SPMIP11: variants seen among roughly 807,000 people sequenced by gnomAD.
SPMIP11 encodes long intergenic non-protein coding RNA 935.
the SPMIP11 span, among the ~76,000 whole-genome samples, chr12:48,764,201 C>T: frequency 6.6e-6 from 1 of 151,756 alleles, no homozygotes; most frequent in East Asian, 1.9e-4. Context: ...GTTGGTCAGG[C>T]TGGTCTCGAA....
chr12:48,741,089 T>C, the SPMIP11 span, among the ~76,000 whole-genome samples: 306 of 150,138 alleles, frequency 2.0e-3, 1 homozygote, highest in African/African-American at 7.2e-3. Context: ...TTTTTTTTTT[T>C]TGAGATGGAG....
the SPMIP11 span, among the ~76,000 whole-genome samples, chr12:48,752,076 A>C: frequency 3.6e-3 from 553 of 151,566 alleles, 10 homozygotes; most frequent in Admixed American, 8.0e-3. Flanking sequence ...CAAAAAAAAA[A>C]AAACAAACAA....
chr12:48,763,670 T>C, the SPMIP11 span, among the ~76,000 whole-genome samples: 1 of 151,040 alleles, frequency 6.6e-6, no homozygotes, highest in Non-Finnish European at 1.5e-5. Flanking sequence ...TCCAAATAAA[T>C]AGTAAAAGTA....
chr12:48,760,669 G>A, the SPMIP11 span, among the ~76,000 whole-genome samples: 6 of 152,180 alleles, frequency 3.9e-5, no homozygotes, highest in Admixed American at 3.9e-4. Context: ...TGGGACTACA[G>A]GAGTGCACCA....
At chr12:48,757,240 C>T in the SPMIP11 span, among the ~76,000 whole-genome samples, 1 of 152,154 alleles carries the variant, frequency 6.6e-6, no homozygotes, top group South Asian at 2.1e-4. Flanking sequence ...CCAAGTCTTG[C>T]TCTTCTGAAA....
chr12:48,735,579 C>T, the SPMIP11 span, among the ~76,000 whole-genome samples: 1 of 151,564 alleles, frequency 6.6e-6, no homozygotes, highest in Non-Finnish European at 1.5e-5. Context: ...GATCAAAACT[C>T]CATCTCAAAA....
the SPMIP11 span, among the ~76,000 whole-genome samples, chr12:48,763,047 G>A: frequency 2.9e-4 from 44 of 152,090 alleles, no homozygotes; most frequent in African/African-American, 1.0e-3. Context: ...CATTACAACT[G>A]TATGTGAACC....
chr12:48,732,667 G>A, the SPMIP11 span, among the ~76,000 whole-genome samples: 1 of 151,962 alleles, frequency 6.6e-6, no homozygotes, highest in African/African-American at 2.4e-5. Flanking sequence ...CTACTCGGGA[G>A]GCTGAGGCAG....
At chr12:48,768,774 G>A in the SPMIP11 span, 1 of 1,594,034 alleles carries the variant, frequency 6.3e-7, no homozygotes, top group Non-Finnish European at 8.6e-7. Context: ...GCATTTGCAG[G>A]GGCCCAGGGG....
the SPMIP11 span, among the ~76,000 whole-genome samples, chr12:48,754,605 C>G: frequency 6.6e-6 from 1 of 152,058 alleles, no homozygotes; most frequent in Non-Finnish European, 1.5e-5. Flanking sequence ...TGCCCGCCAC[C>G]ATGCCCGGCT....
chr12:48,770,246 T>C, the SPMIP11 span, among the ~76,000 whole-genome samples: 2 of 151,992 alleles, frequency 1.3e-5, no homozygotes, highest in Admixed American at 1.3e-4. Flanking sequence ...GGTATTATTA[T>C]CCCCATTTTA....
the SPMIP11 span, among the ~76,000 whole-genome samples, chr12:48,732,057 G>C: frequency 6.6e-6 from 1 of 151,412 alleles, no homozygotes; most frequent in East Asian, 1.9e-4. Context: ...GCTGAGGCAC[G>C]AGAATCTCTT....
chr12:48,753,336 A>G, the SPMIP11 span, among the ~76,000 whole-genome samples: 54 of 152,202 alleles, frequency 3.5e-4, no homozygotes, highest in African/African-American at 1.3e-3. Context: ...GCCTCACTCC[A>G]GCTTATCCCA....
the SPMIP11 span, among the ~76,000 whole-genome samples, chr12:48,762,043 C>T: frequency 7.2e-6 from 1 of 138,544 alleles, no homozygotes; most frequent in Non-Finnish European, 1.5e-5. Context: ...ACTCTTATAA[C>T]ATTCTTTTTT....
chr12:48,731,007 A>G, the SPMIP11 span, among the ~76,000 whole-genome samples: 6 of 152,226 alleles, frequency 3.9e-5, no homozygotes, highest in Non-Finnish European at 5.9e-5. Context: ...GACCACAGCA[A>G]TAGAGCCAGA....
the SPMIP11 span, among the ~76,000 whole-genome samples, chr12:48,762,888 A>G: frequency 2.6e-5 from 4 of 152,036 alleles, no homozygotes; most frequent in African/African-American, 9.6e-5. Context: ...AAAGGTACAC[A>G]TGATTTCCCT....
At chr12:48,750,513 TG>T in the SPMIP11 span, among the ~76,000 whole-genome samples, 19 of 152,192 alleles carry the variant, frequency 1.2e-4, no homozygotes, top group Admixed American at 6.6e-4. Context: ...CTGCTGAGGT[TG>T]CTTGAAATAT....
the SPMIP11 span, among the ~76,000 whole-genome samples, chr12:48,734,874 G>T: frequency 1.3e-5 from 2 of 151,782 alleles, no homozygotes; most frequent in African/African-American, 4.8e-5. Context: ...GTGCGGTGGC[G>T]GGCGGCTGTA....
At chr12:48,745,554 C>T in the SPMIP11 span, among the ~76,000 whole-genome samples, 1 of 152,074 alleles carries the variant, frequency 6.6e-6, no homozygotes. Context: ...TGCAGGGAGC[C>T]GAGATTGCAC....
Sources: allele counts gnomAD v4.1 joint callset (sites outside exome capture counted in the v4.1 genomes callset), GRCh38; gene constraint gnomAD v4.1.1; transcripts MANE v1.5; gene names NCBI Gene and HGNC (gene_info 2026-07-23, HGNC 2026-07-21).